The following TLL1 variants were observed in gnomAD, a reference collection of about 807,000 sequenced individuals.
The protein encoded by TLL1 is tolloid like 1, also known as tolloid-like protein 1.
A neutral mutation model predicts 128.2 loss-of-function variants in TLL1; 49 were observed. The observed-to-expected ratio is 0.38, with a 90% CI of 0.30 to 0.48. TLL1 has a LOEUF of 0.48. Among genes scored for constraint, TLL1 ranks in the 20% least tolerant of loss-of-function variants. TLL1 has a pLI of 0.96. For missense variants in TLL1, 1,123 were observed against 1,242.0 expected (o/e 0.90, Z 1.44); for synonymous variants, 454 against 418.8 (o/e 1.08, Z -1.03).
intron 7 of TLL1, 127 bp from the exon 8 acceptor site, chr4:166,014,309 C>A: frequency 7.1e-7 from 1 of 1,407,830 alleles, no homozygotes; most frequent in Non-Finnish European, 1.0e-6. Context: ...TGATACACTG[C>A]TTAAAGCACA....
At chr4:165,928,493 G>C (rs1401022730) in intron 1 of TLL1, among the ~76,000 whole-genome samples, 1 of 152,184 alleles carries the variant, frequency 6.6e-6, no homozygotes, top group Non-Finnish European at 1.5e-5. Context: ...AGGAGAAAAG[G>C]AGGAAGAGCA....
chr4:166,060,869 G>T (rs1740278285), intron 15 of TLL1, among the ~76,000 whole-genome samples: 1 of 152,178 alleles, frequency 6.6e-6, no homozygotes, highest in Admixed American at 6.5e-5. Context: ...TCCTTTGTGT[G>T]ATTGGTCAAC....
chr4:165,901,937 C>G (rs1732010841), intron 1 of TLL1, among the ~76,000 whole-genome samples: 1 of 152,144 alleles, frequency 6.6e-6, no homozygotes, highest in African/African-American at 2.4e-5. Flanking sequence ...TCAGAGATGC[C>G]CTGCCCAGAG....
intron 1 of TLL1, among the ~76,000 whole-genome samples, chr4:165,905,634 C>T (rs1319763737): frequency 1.3e-5 from 2 of 152,060 alleles, no homozygotes; most frequent in Admixed American, 6.6e-5. Flanking sequence ...ACTGGCATGC[C>T]CTGCTTGCAC....
intron 1 of TLL1, among the ~76,000 whole-genome samples, chr4:165,983,340 T>G (rs1736240032): frequency 6.6e-6 from 1 of 151,880 alleles, no homozygotes; most frequent in Non-Finnish European, 1.5e-5. Context: ...AAAGATATGT[T>G]TATTTGGAAA....
chr4:165,933,153 C>T (rs1046601758), intron 1 of TLL1, among the ~76,000 whole-genome samples: 1 of 152,136 alleles, frequency 6.6e-6, no homozygotes, highest in Non-Finnish European at 1.5e-5. Context: ...GTAATGGGTA[C>T]TTAAAGCATC....
intron 3 of TLL1, 80 bp downstream of exon 3, chr4:165,992,964 A>G: frequency 1.7e-6 from 2 of 1,175,458 alleles, no homozygotes; most frequent in Non-Finnish European, 2.5e-6. Flanking sequence ...GTTTATTAAA[A>G]TCAGTGTGCC....
intron 1 of TLL1, among the ~76,000 whole-genome samples, chr4:165,946,153 A>G (rs1428716805): frequency 1.8e-4 from 27 of 152,098 alleles, no homozygotes; most frequent in Admixed American, 1.8e-3. Flanking sequence ...CTCTAACTGC[A>G]GGGAACTGAA....
intron 1 of TLL1, among the ~76,000 whole-genome samples, chr4:165,958,173 G>A (rs1281091666): frequency 2.1e-5 from 3 of 140,086 alleles, no homozygotes; most frequent in East Asian, 4.2e-4. Flanking sequence ...ATAAACATAC[G>A]TGTGCATGTG....
At chr4:166,035,828 A>G (rs1738972022) in intron 9 of TLL1, among the ~76,000 whole-genome samples, 1 of 152,110 alleles carries the variant, frequency 6.6e-6, no homozygotes, top group African/African-American at 2.4e-5. Context: ...TGGTAAAGGA[A>G]TGGTCCCGAT....
At chr4:166,004,216 A>G (rs1737305949) in intron 6 of TLL1, among the ~76,000 whole-genome samples, 1 of 152,156 alleles carries the variant, frequency 6.6e-6, no homozygotes, top group African/African-American at 2.4e-5. Flanking sequence ...TTACGTGCAT[A>G]AAGATCAGTA....
At chr4:165,955,556 A>G (rs903535821) in intron 1 of TLL1, among the ~76,000 whole-genome samples, 3 of 152,142 alleles carry the variant, frequency 2.0e-5, no homozygotes, top group Non-Finnish European at 2.9e-5. Context: ...GGGGCAGGCC[A>G]TTTACAAAGG....
At position 166,042,160 on chromosome 4, in the gene TLL1, T is replaced by C. The variant is rs1739267320; in HGVS notation, c.1378+17T>C. On this transcript the variant is annotated intron_variant, in intron 11 of 20. Coordinates refer to ENST00000061240, the MANE Select transcript of TLL1 (RefSeq NM_012464.5). ...TCTATGAAGGTAAGTCACATTGAAT[T>C]TTAGAGAGTAGTTCATCTTATATCT... 6.6e-7 allele frequency: 1 copy of C among 1,505,322 alleles called. No individual in the cohort carries two copies. The highest frequency in any genetic ancestry group is 2.3e-5 in the East Asian group (1 of 43,972). 93.2% of individuals were successfully genotyped at this position (1,505,322 alleles called of 1,614,324 possible).
At chr4:165,959,558 T>C (rs186333158) in intron 1 of TLL1, among the ~76,000 whole-genome samples, 1 of 152,244 alleles carries the variant, frequency 6.6e-6, no homozygotes, top group African/African-American at 2.4e-5. Context: ...CATCTCCACA[T>C]GGAACATACT....
intron 1 of TLL1, among the ~76,000 whole-genome samples, chr4:165,885,595 CAAACAAAA>C (rs1222721854): frequency 6.6e-6 from 1 of 151,542 alleles, no homozygotes; most frequent in Admixed American, 6.6e-5. Flanking sequence ...AACAAACAAA[CAAACAAAA>C]AAAAAACTAC....
At chr4:165,931,573 G>A (rs946940219) in intron 1 of TLL1, among the ~76,000 whole-genome samples, 1 of 151,942 alleles carries the variant, frequency 6.6e-6, no homozygotes, top group Non-Finnish European at 1.5e-5. Flanking sequence ...AAAAAAATTA[G>A]CCGGGTGTGG....
Position 165,874,029 on chromosome 4 carries a change from A to G in TLL1, c.125A>G (p.Glu42Gly), listed in dbSNP as rs1473441129. 23 of 1,613,998 alleles carry G rather than the reference A, an allele frequency of 1.4e-5. No homozygotes were observed. In the Admixed American group the frequency reaches 2.5e-4, roughly 18 times the overall value. The change falls in exon 1 of 21, where the codon GAG (glutamate) becomes GGG (glycine). Residue 42 changes from glutamate to glycine, a missense_variant. By Grantham distance (98) the Glu-to-Gly change is moderately conservative (BLOSUM62 -2). Coordinates refer to ENST00000061240, the MANE Select transcript of TLL1 (RefSeq NM_012464.5). ...DYDYTFDGNE[E>G]DKTETIDYKD... is the part of the protein sequence containing the mutation. ...GATTACACTTTTGATGGGAACGAAG[A>G]GGATAAAACAGAGACTATAGATTAC...
intron 1 of TLL1, among the ~76,000 whole-genome samples, chr4:165,876,564 C>CT (rs1730732067): frequency 6.6e-6 from 1 of 152,174 alleles, no homozygotes; most frequent in African/African-American, 2.4e-5. Flanking sequence ...ATCACAATGA[C>CT]AATCATGGCT....
At chr4:166,087,388 G>C (rs17047233) in intron 18 of TLL1, among the ~76,000 whole-genome samples, 181 of 152,110 alleles carry the variant, frequency 1.2e-3, no homozygotes, top group Middle Eastern at 3.4e-3. Context: ...GGAGAAAAAA[G>C]GTTCTTTTGA....
Sources: allele counts gnomAD v4.1 joint callset (sites outside exome capture counted in the v4.1 genomes callset), GRCh38; gene constraint gnomAD v4.1.1; transcripts MANE v1.5; gene names NCBI Gene and HGNC (gene_info 2026-07-23, HGNC 2026-07-21).